The following TMEM254 variants were observed in gnomAD, a reference collection of about 807,000 sequenced individuals.
TMEM254 encodes the protein transmembrane protein 254, also known as transmembrane protein C10orf57.
In TMEM254, 16 loss-of-function variants were observed where a neutral mutation model predicts 13.9. The observed-to-expected ratio is 1.15, with a 90% CI of 0.78 to 1.75. The LOEUF (loss-of-function observed/expected upper bound fraction) is 1.75. Among genes scored for constraint, TMEM254 ranks in the 40% most tolerant of loss-of-function variants. The probability of loss-of-function intolerance (pLI) is 0.00; values close to 1 mark genes in which losing one functional copy is unlikely to be tolerated. For synonymous variants in TMEM254, 61 were observed against 56.4 expected, an observed-to-expected ratio of 1.08 and a Z score of -0.36; for missense variants, 155 against 149.0, an observed-to-expected ratio of 1.04 and a Z score of -0.21.
intron 3 of TMEM254, among the ~76,000 whole-genome samples, chr10:80,082,976 TG>T (rs1286109180): frequency 6.6e-6 from 1 of 152,170 alleles, no homozygotes; most frequent in Non-Finnish European, 1.5e-5. Context: ...AATAAGATAC[TG>T]TATTGCTATT....
Position 80,083,195 on chromosome 10 carries a change from G to A in TMEM254, c.251+991G>A, listed in dbSNP as rs1253568418. On this transcript the variant is annotated intron_variant, in intron 3 of 3. Coordinates refer to ENST00000372281, the MANE Select transcript of TMEM254 (RefSeq NM_025125.4). ...AATCTTGGCTCCCTGCAATCTCTACGTCCTGGGTTAAAACGATTCTGCCTC... is the reference window on the plus strand; with the variant it reads ...AATCTTGGCTCCCTGCAATCTCTACATCCTGGGTTAAAACGATTCTGCCTC... Among the ~76,000 whole-genome samples, 7 of 144,026 alleles carry A rather than the reference G, an allele frequency of 4.9e-5. No homozygotes were observed. The East Asian group carries it at 8.4e-4, about 17-fold the overall frequency. The allele number at this position is 144,026 out of a possible 152,430, so 94.5% of individuals were successfully genotyped here. A position where few individuals can be genotyped will look rare whatever the true frequency, so the allele number is the denominator to read the frequency against.
intron 3 of TMEM254, 57 bp downstream of exon 3, chr10:80,082,261 G>A: frequency 8.8e-6 from 14 of 1,583,830 alleles, no homozygotes; most frequent in Non-Finnish European, 1.2e-5. Context: ...TATAAATTGA[G>A]AGCAGCCACA....
chr10:80,090,774 A>G (rs1473476673), intron 3 of TMEM254, 23 bp from the exon 4 acceptor site: 2 of 1,602,404 alleles, frequency 1.2e-6, no homozygotes, highest in Non-Finnish European at 1.7e-6. Context: ...TCTCGTGTTT[A>G]AATTTTGTTT....
At chr10:80,087,488 C>CAAA (rs34380847) in intron 3 of TMEM254, among the ~76,000 whole-genome samples, 5 of 136,046 alleles carry the variant, frequency 3.7e-5, no homozygotes, top group African/African-American at 1.4e-4. Flanking sequence ...ACTAAAAATA[C>CAAA]AAAAAAAAAA....
intron 3 of TMEM254, among the ~76,000 whole-genome samples, chr10:80,085,071 C>T (rs1411778358): frequency 6.6e-6 from 1 of 152,056 alleles, no homozygotes; most frequent in African/African-American, 2.4e-5. Flanking sequence ...CCGCCCACCT[C>T]GGTTTCCCAA....
intron 3 of TMEM254, among the ~76,000 whole-genome samples, chr10:80,088,814 T>C (rs896801541): frequency 2.0e-5 from 3 of 150,986 alleles, no homozygotes; most frequent in Admixed American, 6.6e-5. Flanking sequence ...CCAAGGCTGA[T>C]GTCAAACTCC....
At chr10:80,083,425 A>T (rs1201581016) in intron 3 of TMEM254, among the ~76,000 whole-genome samples, 1 of 152,130 alleles carries the variant, frequency 6.6e-6, no homozygotes, top group East Asian at 1.9e-4. Context: ...ACTTTCTATG[A>T]AGAGGAGCAG....
At chr10:80,081,672 A>G (rs1844031729) in intron 1 of TMEM254, 169 bp from the exon 2 acceptor site, 5 of 1,566,494 alleles carry the variant, frequency 3.2e-6, no homozygotes, top group Non-Finnish European at 4.3e-6. Flanking sequence ...TGTCAAAAAA[A>G]AAAGAAAGAA....
Position 80,082,196 on chromosome 10 carries a change from A to G in TMEM254, c.243A>G (p.Val81=), listed in dbSNP as rs574964749. 8.4e-5 allele frequency: 135 copies of G among 1,613,938 alleles called. No homozygotes were observed. Among genetic ancestry groups the G allele is most frequent in the Non-Finnish European group, 1.1e-4 (134 of 1,180,024 alleles). The stretch of plus-strand genomic sequence containing the variant: ...TGGGAGAGTCCTTGTATGCCATAGT[A>G]TTGTGCAAGTAAGTCTTTGAAGTAG... ...IHVGESLYAI[V]LCKHKGITSG... The change falls in exon 3 of 4, where the codon GTA becomes GTG. Residue 81 remains valine, a synonymous_variant. Coordinates refer to ENST00000372281, the MANE Select transcript of TMEM254 (RefSeq NM_025125.4).
At chr10:80,079,176 T>G (rs1322023493) in intron 1 of TMEM254, 21 of 1,245,840 alleles carry the variant, frequency 1.7e-5, no homozygotes, top group Non-Finnish European at 2.1e-5. Flanking sequence ...GGGGCTGGGC[T>G]ACTTCGCGGT....
rs576140001 is a variant in TMEM254 at position 80,084,689 on chromosome 10, C to T, written c.251+2485C>T. 2.5e-4 allele frequency among the ~76,000 whole-genome samples: 38 copies of T among 152,262 alleles called. 1 individual carries two copies. Among genetic ancestry groups the T allele is most frequent in the African/African-American group, 7.9e-4 (33 of 41,540 alleles). ...CTCTTTCCAATGGCCTCTGCAGCAT[C>T]GCAGTAGAATCTCAGATTGGAAGTG... On this transcript the variant is annotated intron_variant, in intron 3 of 3. Transcript: ENST00000372281.
intron 3 of TMEM254, among the ~76,000 whole-genome samples, chr10:80,086,643 C>T (rs1844329089): frequency 1.3e-5 from 2 of 151,936 alleles, no homozygotes; most frequent in South Asian, 4.2e-4. Context: ...GAGTTTGAGA[C>T]CAGCCTGGCC....
intron 3 of TMEM254, among the ~76,000 whole-genome samples, chr10:80,084,251 C>T (rs1304984298): frequency 1.3e-5 from 2 of 152,090 alleles, no homozygotes; most frequent in Non-Finnish European, 2.9e-5. Flanking sequence ...CTGCAGTTTC[C>T]TTGATGGTTC....
At chr10:80,085,023 T>C (rs1301720674) in intron 3 of TMEM254, among the ~76,000 whole-genome samples, 2 of 151,902 alleles carry the variant, frequency 1.3e-5, no homozygotes, top group Non-Finnish European at 2.9e-5. Context: ...AGTTTCACCA[T>C]GTTGGCCAGG....
chr10:80,086,286 AC>A, intron 3 of TMEM254: 2 of 1,455,746 alleles, frequency 1.4e-6, no homozygotes, highest in Non-Finnish European at 1.8e-6. Context: ...AGTTATGATG[AC>A]CCCAGGAAAA....
chr10:80,079,005 G>T, intron 1 of TMEM254: 1 of 1,534,598 alleles, frequency 6.5e-7, no homozygotes, highest in South Asian at 1.2e-5. Flanking sequence ...CTGAGAAACC[G>T]GCTAGCCAGG....
chr10:80,083,197 C>A (rs760362192), intron 3 of TMEM254, among the ~76,000 whole-genome samples: 2 of 148,084 alleles, frequency 1.4e-5, no homozygotes, highest in African/African-American at 2.5e-5. Context: ...ATCTCTACGT[C>A]CTGGGTTAAA....
intron 3 of TMEM254, among the ~76,000 whole-genome samples, chr10:80,089,159 C>A (rs1844456838): frequency 1.3e-5 from 2 of 151,948 alleles, no homozygotes; most frequent in South Asian, 4.1e-4. Context: ...AGTTTTATTT[C>A]TTTCTTTCAA....
intron 3 of TMEM254, 26 bp from the exon 4 acceptor site, chr10:80,090,771 T>G (rs1421625264): frequency 6.2e-7 from 1 of 1,602,120 alleles, no homozygotes; most frequent in Admixed American, 1.8e-5. Flanking sequence ...ACATCTCGTG[T>G]TTAAATTTTG....
Sources: gnomAD v4.1 joint callset for allele counts (sites outside exome capture counted in the v4.1 genomes callset) on GRCh38, gnomAD v4.1.1 for gene constraint, MANE v1.5 for transcripts, NCBI Gene and HGNC (gene_info 2026-07-23, HGNC 2026-07-21) for gene names.